Variants in ADCY7 observed in about 807,000 individuals in gnomAD.
ADCY7 encodes the protein adenylate cyclase 7, also known as adenylate cyclase type 7.
ADCY7 carries 72 observed loss-of-function variants against 120.6 expected under a neutral mutation model. The observed-to-expected ratio is 0.60, with a 90% CI of 0.49 to 0.73. ADCY7 has a LOEUF of 0.73. Ranked by LOEUF, ADCY7 falls within the 30% of genes least tolerant of loss-of-function variation. The pLI is 0.00. For synonymous variants in ADCY7, 661 were observed against 628.0 expected (o/e 1.05, Z -0.78); for missense variants, 1,227 against 1,486.0 (o/e 0.83, Z 2.87).
chr16:50,248,325 A>G (rs1434461756), intron 1 of ADCY7, among the ~76,000 whole-genome samples: 1 of 152,164 alleles, frequency 6.6e-6, no homozygotes, highest in East Asian at 1.9e-4. Flanking sequence ...GATGGGCACA[A>G]AGGAATGTTG....
intron 1 of ADCY7, among the ~76,000 whole-genome samples, chr16:50,278,935 A>G (rs2078914671): frequency 1.3e-5 from 2 of 148,560 alleles, no homozygotes; most frequent in Admixed American, 1.4e-4. Context: ...ACAGTGGTGC[A>G]ATCCCATCTC....
At chr16:50,244,863 A>G (rs2032535035), upstream of ADCY7, among the ~76,000 whole-genome samples, 1 of 152,172 alleles carries the variant, frequency 6.6e-6, no homozygotes, top group Admixed American at 6.5e-5. Flanking sequence ...ACCATGCTTG[A>G]TGCCCGGGGG....
At chr16:50,314,170 G>A (rs944394638) in intron 23 of ADCY7, 108 bp downstream of exon 23, 2 of 1,397,514 alleles carry the variant, frequency 1.4e-6, no homozygotes, top group East Asian at 2.3e-5. Flanking sequence ...AGGGGCACAG[G>A]TACTTGTAGG....
At chr16:50,273,461 C>CTG (rs2033693068) in intron 1 of ADCY7, among the ~76,000 whole-genome samples, 1 of 152,168 alleles carries the variant, frequency 6.6e-6, no homozygotes, top group African/African-American at 2.4e-5. Flanking sequence ...CATGCCTGTC[C>CTG]TGTGTGTTGT....
chr16:50,294,526 T>G (rs1596921782), intron 6 of ADCY7, 114 bp from the exon 7 acceptor site: 3 of 652,892 alleles, frequency 4.6e-6, no homozygotes. Context: ...AGGACGGGGG[T>G]GAATGGGCTC....
chr16:50,300,711 C>G lies in ADCY7; in HGVS notation c.1077-4C>G. 1 of 1,551,530 alleles carries G rather than the reference C, an allele frequency of 6.4e-7. No individual in the cohort carries two copies. Among genetic ancestry groups the G allele is most frequent in the East Asian group, 2.4e-5 (1 of 40,924 alleles). On this transcript the variant is annotated splice_region_variant and splice_polypyrimidine_tract_variant and intron_variant, in intron 8 of 25. Coordinates refer to ENST00000673801, the MANE Select transcript of ADCY7 (RefSeq NM_001114.5). ...GCTGGGGTGACTGGGCCACTCTGCC[C>G]CAGGCAGGTGCGGGAGGCCACGGGC...
chr16:50,308,778 G>A lies in ADCY7; in HGVS notation c.2047G>A (p.Ala683Thr), dbSNP rs1204782340. 6.2e-7 allele frequency: 1 copy of A among 1,610,716 alleles called. No homozygotes were observed. Residue 683 changes from alanine to threonine, a missense_variant, in exon 17 of 26, where the codon GCC becomes ACC. Ala to Thr is a moderately conservative substitution (Grantham distance 58, BLOSUM62 0). This residue lies in a region of ADCY7 where 267 missense variants were observed against 270.0 expected (regional missense o/e 0.99). Coordinates refer to ENST00000673801, the MANE Select transcript of ADCY7 (RefSeq NM_001114.5). ...GACCATCGGCAGCCTGCTCACTGTG[G>A]CCATCATCAACCTGGTGGGTCCCGT... is the stretch of plus-strand genomic sequence containing the variant. ...VLTIGSLLTVAIINLPLMPFQ... is the reference protein window; with the variant it reads ...VLTIGSLLTVTIINLPLMPFQ...
chr16:50,304,728 CG>C (rs1184350281), intron 11 of ADCY7, among the ~76,000 whole-genome samples, 177 bp downstream of exon 11: 1 of 152,212 alleles, frequency 6.6e-6, no homozygotes, highest in Non-Finnish European at 1.5e-5. Context: ...GAGAATACTC[CG>C]GGATGGCCAG....
chr16:50,311,635 A>G, intron 19 of ADCY7, 58 bp from the exon 20 acceptor site: 1 of 1,239,582 alleles, frequency 8.1e-7, no homozygotes, highest in Non-Finnish European at 1.2e-6. Context: ...GGAGAGCATG[A>G]CTCAGTGGGT....
intron 15 of ADCY7, among the ~76,000 whole-genome samples, chr16:50,307,425 G>C (rs2036143597): frequency 6.6e-6 from 1 of 152,188 alleles, no homozygotes; most frequent in African/African-American, 2.4e-5. Flanking sequence ...GACAGCCCTT[G>C]CCTTAGGTGT....
At chr16:50,305,657 C>T in intron 13 of ADCY7, 71 bp downstream of exon 13, 1 of 1,514,750 alleles carries the variant, frequency 6.6e-7, no homozygotes, top group Admixed American at 1.7e-5. Context: ...TATGGGCAGG[C>T]CCATCTCATA....
chr16:50,315,328 C>A, intron 25 of ADCY7, 31 bp from the exon 26 acceptor site: 1 of 1,597,254 alleles, frequency 6.3e-7, no homozygotes, highest in Non-Finnish European at 8.6e-7. Context: ...CTTCCCGCCT[C>A]TGAAGACAAC....
intron 21 of ADCY7, 94 bp from the exon 22 acceptor site, chr16:50,312,796 C>A: frequency 1.7e-6 from 2 of 1,178,248 alleles, no homozygotes; most frequent in Non-Finnish European, 2.3e-6. Context: ...CTGGGCTGGG[C>A]AGTTCAGCAG....
chr16:50,308,801 C>A lies in ADCY7; in HGVS notation c.2061+9C>A. The A allele has an allele frequency of 6.2e-7, 1 of 1,601,658 alleles. No individual in the cohort carries two copies. The highest frequency in any genetic ancestry group is 8.5e-7 in the Non-Finnish European group (1 of 1,174,590). Reference sequence around the variant, plus strand: ...TGGCCATCATCAACCTGGTGGGTCCCGTGGTGGGGAGGCAGGCCTCCGGGG... The same window carrying A: ...TGGCCATCATCAACCTGGTGGGTCCAGTGGTGGGGAGGCAGGCCTCCGGGG... On this transcript the variant is annotated intron_variant, in intron 17 of 25. Transcript: ENST00000673801.
chr16:50,254,405 A>G (rs1254090065), intron 1 of ADCY7, among the ~76,000 whole-genome samples: 2 of 152,216 alleles, frequency 1.3e-5, no homozygotes, highest in African/African-American at 2.4e-5. Flanking sequence ...CAATCACCAA[A>G]TAACTGTTAG....
At chr16:50,247,115 G>T (rs2032614411) in intron 1 of ADCY7, among the ~76,000 whole-genome samples, 2 of 152,246 alleles carry the variant, frequency 1.3e-5, no homozygotes, top group South Asian at 4.1e-4. Flanking sequence ...TCCGGGTGAG[G>T]CTACAGCTGT....
At chr16:50,303,278 G>T (rs2035852577) in intron 10 of ADCY7, among the ~76,000 whole-genome samples, 1 of 152,176 alleles carries the variant, frequency 6.6e-6, no homozygotes, top group Non-Finnish European at 1.5e-5. Flanking sequence ...AATTCCACGT[G>T]GCTCCCGTGG....
chr16:50,253,275 G>C (rs1596789342), intron 1 of ADCY7, among the ~76,000 whole-genome samples: 2 of 152,204 alleles, frequency 1.3e-5, no homozygotes, highest in East Asian at 3.9e-4. Context: ...TTCTGAGATG[G>C]AGTCTTGCTC....
chr16:50,311,534 T>TC (rs1302689934), intron 19 of ADCY7, among the ~76,000 whole-genome samples, 159 bp from the exon 20 acceptor site: 1 of 138,958 alleles, frequency 7.2e-6, no homozygotes, highest in Non-Finnish European at 1.6e-5. Context: ...ACCTCTCCCC[T>TC]CCCCCCTTTA....
Sources: gnomAD v4.1 joint callset for allele counts (sites outside exome capture counted in the v4.1 genomes callset) on GRCh38, gnomAD v4.1.1 for gene constraint, gnomAD v4.1.1 regional missense constraint, MANE v1.5 for transcripts, NCBI Gene and HGNC (gene_info 2026-07-23, HGNC 2026-07-21) for gene names.